Variants in HIVEP3 observed in about 807,000 individuals in gnomAD.
HIVEP3 encodes the protein transcription factor HIVEP3.
HIVEP3 carries 49 observed loss-of-function variants against 152.8 expected under a neutral mutation model. That is an observed-to-expected ratio of 0.32 (90% CI 0.26 to 0.41). HIVEP3 has a LOEUF of 0.41. Ranked by LOEUF, HIVEP3 falls within the 10% of genes least tolerant of loss-of-function variation. The pLI, the probability that HIVEP3 is intolerant of heterozygous loss-of-function variation, is 1.00. For synonymous variants in HIVEP3, 1,269 were observed against 1,289.0 expected (o/e 0.98, Z 0.33); for missense variants, 2,790 against 3,103.3 (o/e 0.90, Z 2.40).
Position 41,582,172 on chromosome 1 carries a change from T to C in HIVEP3, c.2626A>G (p.Lys876Glu), listed in dbSNP as rs374562810. Residue 876 changes from lysine (K) to glutamate (E), a missense_variant, in exon 4 of 9, where the codon AAG (lysine) becomes GAG (glutamate). Physicochemically the swap from Lys to Glu is moderately conservative, Grantham distance 56. Transcript: ENST00000372583. This position sits in a 1 kb window ranked among gnomAD's most constrained non-coding sequence, Gnocchi z 4.7. ...AACTCCTCAGTCTTCTCAGGTTCCT[T>C]AGGGGGCGGCTCTGGCTCTGTGTCC... ...RPDTEPEPPP[K>E]EPEKTEEFQW... 3 of 1,613,968 alleles carry C rather than the reference T, an allele frequency of 1.9e-6. No homozygotes were observed. Among genetic ancestry groups the C allele is most frequent in the African/African-American group, 1.3e-5 (1 of 74,984 alleles).
rs1643878617 is a variant in HIVEP3, at chr1:41,860,853, TG to T, written c.-801+57559del. Among the ~76,000 whole-genome samples, 15 of 152,318 alleles carry T rather than the reference TG, an allele frequency of 9.8e-5. No individual in the cohort carries two copies. The South Asian group carries it at 3.1e-3, about 32-fold the overall frequency. ...ATTAGAATTCTGGCTAATTTTCCTG[TG>T]GGCACACCTTAAGCACACAAACCTG... On this transcript the variant is annotated intron_variant, in intron 1 of 8. Transcript: ENST00000372583.
intron 1 of HIVEP3, among the ~76,000 whole-genome samples, chr1:41,903,862 C>CCAG (rs1644666082): frequency 2.0e-5 from 3 of 152,016 alleles, no homozygotes; most frequent in African/African-American, 7.3e-5. Flanking sequence ...CATTTCCTGC[C>CCAG]CAGCACACTG....
chr1:41,628,482 G>C (rs2149149138), intron 3 of HIVEP3, among the ~76,000 whole-genome samples: 1 of 152,318 alleles, frequency 6.6e-6, no homozygotes, highest in East Asian at 1.9e-4. Flanking sequence ...GGACAGAATG[G>C]AAACTGAGGT....
chr1:41,881,385 G>A (rs1031205147), intron 1 of HIVEP3, among the ~76,000 whole-genome samples: 6 of 152,156 alleles, frequency 3.9e-5, no homozygotes, highest in African/African-American at 1.4e-4. Flanking sequence ...GTCATAACAT[G>A]AACCCAGGCC....
chr1:41,857,982 A>T (rs993330351), intron 1 of HIVEP3, among the ~76,000 whole-genome samples: 1 of 61,468 alleles, frequency 1.6e-5, no homozygotes, highest in Non-Finnish European at 3.3e-5. Flanking sequence ...TCAATCAATC[A>T]ATCTCTCTCT....
chr1:41,823,499 G>T (rs1642667630), intron 1 of HIVEP3, among the ~76,000 whole-genome samples: 1 of 152,216 alleles, frequency 6.6e-6, no homozygotes, highest in Admixed American at 6.5e-5. Flanking sequence ...TGTGCCACAT[G>T]CCAAGAGGCT....
intron 1 of HIVEP3, among the ~76,000 whole-genome samples, chr1:41,735,576 C>T (rs1271660882): frequency 6.6e-6 from 1 of 152,166 alleles, no homozygotes; most frequent in Admixed American, 6.5e-5. Flanking sequence ...TCACTCCCTT[C>T]CCCCAAATTA....
At chr1:41,844,662 G>A (rs1418593765) in intron 1 of HIVEP3, among the ~76,000 whole-genome samples, 1 of 152,156 alleles carries the variant, frequency 6.6e-6, no homozygotes, top group African/African-American at 2.4e-5. Context: ...AAGTGCCAAG[G>A]TTGGTGTAAA....
At chr1:41,861,847 C>T (rs959975924) in intron 1 of HIVEP3, among the ~76,000 whole-genome samples, 1 of 152,146 alleles carries the variant, frequency 6.6e-6, no homozygotes, top group Non-Finnish European at 1.5e-5. Context: ...TGTGGGGATG[C>T]AGACTAGACG....
At chr1:41,844,509 T>C (rs1460460847) in intron 1 of HIVEP3, among the ~76,000 whole-genome samples, 1 of 152,230 alleles carries the variant, frequency 6.6e-6, no homozygotes, top group African/African-American at 2.4e-5. Context: ...TTACCTTAAC[T>C]GCTCGCAGGG....
At chr1:41,857,022 T>G (rs1327617398) in intron 1 of HIVEP3, among the ~76,000 whole-genome samples, 4 of 152,198 alleles carry the variant, frequency 2.6e-5, no homozygotes, top group African/African-American at 9.6e-5. Context: ...AGGTTCTCTG[T>G]GGTTTCTGGC....
At chr1:41,543,942 G>C (rs1217626252) in intron 5 of HIVEP3, 1 of 152,210 alleles carries the variant, frequency 6.6e-6, no homozygotes, top group Admixed American at 6.5e-5. Context: ...ATATCTTGGA[G>C]CTGGTGGCCT....
intron 1 of HIVEP3, among the ~76,000 whole-genome samples, chr1:41,773,654 T>C (rs906312374): frequency 2.0e-5 from 3 of 152,208 alleles, no homozygotes; most frequent in African/African-American, 7.2e-5. Context: ...CTTCATTCCT[T>C]CCTAAGCACT....
chr1:41,699,696 C>T (rs1216715801), intron 2 of HIVEP3, among the ~76,000 whole-genome samples: 3 of 152,120 alleles, frequency 2.0e-5, no homozygotes, highest in Non-Finnish European at 4.4e-5. Context: ...TCTGTGAGAG[C>T]CGAGGCCACA....
intron 1 of HIVEP3, among the ~76,000 whole-genome samples, chr1:41,732,346 G>A (rs533375613): frequency 1.9e-4 from 29 of 152,244 alleles, no homozygotes; most frequent in African/African-American, 6.3e-4. Flanking sequence ...GGGTCAAAAC[G>A]CTGGGAAATG....
chr1:41,643,315 C>A (rs1284015805), intron 2 of HIVEP3, among the ~76,000 whole-genome samples: 2 of 152,228 alleles, frequency 1.3e-5, no homozygotes, highest in Non-Finnish European at 2.9e-5. Flanking sequence ...TTTGGTGTAA[C>A]ATCAATCACA....
chr1:41,510,629 G>T lies in HIVEP3; in HGVS notation c.7043C>A (p.Pro2348Gln). The T allele has an allele frequency of 6.5e-7, 1 of 1,545,308 alleles. No individual in the cohort carries two copies. Among genetic ancestry groups the T allele is most frequent in the Non-Finnish European group, 8.7e-7 (1 of 1,143,904 alleles). Residue 2348 changes from proline (P) to glutamine (Q), a missense_variant, in exon 9 of 9, where the codon CCG becomes CAG. By Grantham distance (76) the Pro-to-Gln change is moderately conservative. Coordinates refer to ENST00000372583, the MANE Select transcript of HIVEP3 (RefSeq NM_024503.5). Reference sequence around the variant, plus strand: ...GCCCACAGAGCTGCTGCGGTCCAGCGGCGGGGTGGCAGAAGGCTCGGGGTT... The same window carrying T: ...GCCCACAGAGCTGCTGCGGTCCAGCTGCGGGGTGGCAGAAGGCTCGGGGTT... ...PTNPEPSATP[P>Q]LDRSSSVGCL...
At position 41,580,727 on chromosome 1, in the gene HIVEP3, C is replaced by T; in HGVS notation, c.4071G>A (p.Lys1357=). ...TCCCCTTTGATGGGGGTTCCTCAAACTTGGGAAGTGCCACAGTTGCTGAGC... is the reference window on the plus strand; with the variant it reads ...TCCCCTTTGATGGGGGTTCCTCAAATTTGGGAAGTGCCACAGTTGCTGAGC... ...QGSSATVALP[K]FEEPPSKGTT... The change falls in exon 4 of 9, where the codon AAG becomes AAA. Residue 1357 remains lysine (K), a synonymous_variant. Coordinates refer to ENST00000372583, the MANE Select transcript of HIVEP3 (RefSeq NM_024503.5). The T allele has an allele frequency of 6.3e-7, 1 of 1,592,636 alleles. No individual in the cohort carries two copies.
chr1:42,015,645 G>A (rs922849860), intron 1 of HIVEP3, among the ~76,000 whole-genome samples: 25 of 152,366 alleles, frequency 1.6e-4, no homozygotes, highest in African/African-American at 6.0e-4. Context: ...TAAATGTTTT[G>A]TCTATGCATT....
Sources: allele counts gnomAD v4.1 joint callset (sites outside exome capture counted in the v4.1 genomes callset), GRCh38; gene constraint gnomAD v4.1.1; non-coding constraint Gnocchi (gnomAD v3.1); transcripts MANE v1.5; gene names NCBI Gene and HGNC (gene_info 2026-07-23, HGNC 2026-07-21).